MDGA1: variants seen among roughly 807,000 people sequenced by gnomAD.
The protein encoded by MDGA1 is MAM domain containing glycosylphosphatidylinositol anchor 1, also known as MAM domain-containing glycosylphosphatidylinositol anchor protein 1.
In MDGA1, 54 loss-of-function variants were observed where a neutral mutation model predicts 101.5. The observed-to-expected ratio is 0.53, with a 90% CI of 0.43 to 0.67. The LOEUF is 0.67. Among genes scored for constraint, MDGA1 ranks in the 30% least tolerant of loss-of-function variants. MDGA1 has a pLI of 0.00. For missense variants in MDGA1, 1,083 were observed against 1,323.8 expected (o/e 0.82, Z 2.82); for synonymous variants, 533 against 558.3 (o/e 0.95, Z 0.64).
At chr6:37,688,989 G>A (rs1055803814) in intron 1 of MDGA1, among the ~76,000 whole-genome samples, 6 of 152,070 alleles carry the variant, frequency 3.9e-5, no homozygotes, top group Admixed American at 2.0e-4. Context: ...CCCCAGCCCC[G>A]CTGAATCAAG....
At chr6:37,649,896 GA>G in intron 8 of MDGA1, 1 of 727,276 alleles carries the variant, frequency 1.4e-6, no homozygotes, top group Non-Finnish European at 2.4e-6. Context: ...CCGGGTCCCT[GA>G]AAATGAAGAT....
In MDGA1 at chr6:37,683,467, A is replaced by G. The variant is rs541708759; in HGVS notation, c.67+13278T>C. Among the ~76,000 whole-genome samples the G allele has an allele frequency of 1.3e-4, 20 of 152,306 alleles. 1 individual carries two copies. In the South Asian group the frequency reaches 3.1e-3, roughly 24 times the overall value. On this transcript the variant is annotated intron_variant, in intron 1 of 16. Transcript: ENST00000434837. ...CTGCCCCACCTGCACCCCCTCTCCT[A>G]AACACTTCAGTGCACCACCAGCCAG...
chr6:37,663,766 T>A (rs1187598219), intron 2 of MDGA1, among the ~76,000 whole-genome samples: 1 of 152,212 alleles, frequency 6.6e-6, no homozygotes, highest in Non-Finnish European at 1.5e-5. Context: ...CGTCCATGTT[T>A]TCAGGTGAAT....
chr6:37,695,957 GT>G (rs1049482226), intron 1 of MDGA1, among the ~76,000 whole-genome samples: 3 of 152,216 alleles, frequency 2.0e-5, no homozygotes, highest in African/African-American at 7.2e-5. Context: ...GGGGGAAGGG[GT>G]AACCAGAGTC....
intron 7 of MDGA1, among the ~76,000 whole-genome samples, chr6:37,650,936 C>T (rs1356429052): frequency 6.6e-6 from 1 of 152,328 alleles, no homozygotes; most frequent in South Asian, 2.1e-4. Context: ...ACTAAATTCT[C>T]GCCAATGGGA....
Position 37,658,317 on chromosome 6 carries a change from C to T in MDGA1, c.310G>A (p.Gly104Ser). The T allele has an allele frequency of 1.2e-6, 2 of 1,612,680 alleles. No individual in the cohort carries two copies. Among genetic ancestry groups the T allele is most frequent in the East Asian group, 2.2e-5 (1 of 44,856 alleles). Residue 104 changes from glycine (G) to serine (S), a missense_variant, in exon 3 of 17, where the codon GGC becomes AGC. Gly to Ser is a moderately conservative substitution (Grantham distance 56). Transcript: ENST00000434837. ...TTCTCAGCCTTGCAGTAGTAGCGGCCGCCCTGCGTGCGTGCAATACGCTCG... is the reference window on the plus strand; with the variant it reads ...TTCTCAGCCTTGCAGTAGTAGCGGCTGCCCTGCGTGCGTGCAATACGCTCG... ...RIERIARTQG[G>S]RYYCKAENGV...
intron 1 of MDGA1, among the ~76,000 whole-genome samples, chr6:37,691,595 A>C (rs1762309946): frequency 6.6e-6 from 1 of 152,230 alleles, no homozygotes; most frequent in Non-Finnish European, 1.5e-5. Flanking sequence ...TGTTTTGCAA[A>C]GAGCACATGT....
intron 1 of MDGA1, among the ~76,000 whole-genome samples, chr6:37,681,991 C>T (rs1170925370): frequency 6.6e-6 from 1 of 152,168 alleles, no homozygotes; most frequent in Non-Finnish European, 1.5e-5. Context: ...AGGTGCATGG[C>T]TTGATCAAAA....
chr6:37,653,414 AGAT>A (rs778317485), intron 6 of MDGA1, among the ~76,000 whole-genome samples: 14 of 152,144 alleles, frequency 9.2e-5, no homozygotes, highest in Non-Finnish European at 1.6e-4. Context: ...GGTCAGTGAG[AGAT>A]GAAGAGAGTC....
At chr6:37,680,266 C>T (rs896765570) in intron 1 of MDGA1, among the ~76,000 whole-genome samples, 5 of 152,220 alleles carry the variant, frequency 3.3e-5, no homozygotes, top group Non-Finnish European at 7.3e-5. Context: ...GAGGCCTGTG[C>T]CCTGATGGGG....
chr6:37,654,346 C>G lies in MDGA1; in HGVS notation c.910G>C (p.Gly304Arg). ...TTGGTGGCTGTGCAGTTGTAGTAGC[C>G]AGAGTCCCGGGCCTGCACTGAAGGG... is the stretch of plus-strand genomic sequence containing the variant. ...SIPSVQARDS[G>R]YYNCTATNNV... The change falls in exon 6 of 17, where the codon GGC (glycine) becomes CGC (arginine). Residue 304 changes from glycine to arginine, a missense_variant. Physicochemically the swap from Gly to Arg is moderately radical, Grantham distance 125. Around this residue, in one of 3 missense-constraint regions of MDGA1, gnomAD observed 116 missense variants for 196.6 expected, o/e 0.59. Transcript: ENST00000434837. The G allele has an allele frequency of 6.2e-7, 1 of 1,608,768 alleles. No individual in the cohort carries two copies. Among genetic ancestry groups the G allele is most frequent in the Non-Finnish European group, 8.5e-7 (1 of 1,177,144 alleles).
rs1402373646 is a variant in MDGA1 at position 37,696,827 on chromosome 6, T to G, written c.-16A>C. 2 of 1,561,330 alleles carry G rather than the reference T, an allele frequency of 1.3e-6. No homozygotes were observed. Among genetic ancestry groups the G allele is most frequent in the Non-Finnish European group, 1.7e-6 (2 of 1,152,426 alleles). ...TCACCTCCATCTTCACGGCCGGTGCTTCATCCCCGCGAGGCGGCGCAGCCC... is the reference window on the plus strand; with the variant it reads ...TCACCTCCATCTTCACGGCCGGTGCGTCATCCCCGCGAGGCGGCGCAGCCC... On this transcript the variant is annotated 5_prime_UTR_variant, in exon 1 of 17. Transcript: ENST00000434837. The surrounding 1 kb of genome is among the most constrained non-coding windows in gnomAD (Gnocchi z 5.6).
intron 3 of MDGA1, among the ~76,000 whole-genome samples, chr6:37,656,554 G>A (rs1358602246): frequency 2.0e-5 from 3 of 151,768 alleles, no homozygotes; most frequent in Non-Finnish European, 4.4e-5. Context: ...TGTATTTTTT[G>A]TACAGACAGG....
chr6:37,683,513 C>A (rs115040641), intron 1 of MDGA1, among the ~76,000 whole-genome samples: 6 of 149,790 alleles, frequency 4.0e-5, no homozygotes, highest in Admixed American at 6.6e-5. Flanking sequence ...CCAATGCCTG[C>A]GGGCACCTCT....
At position 37,635,768 on chromosome 6, in the gene MDGA1, T is replaced by A; in HGVS notation, c.*1600A>T. On this transcript the variant is annotated 3_prime_UTR_variant, in exon 17 of 17. Coordinates refer to ENST00000434837, the MANE Select transcript of MDGA1 (RefSeq NM_153487.4). ...TCATCTGTAAGCTCTCCGTCATCCA[T>A]AGGGGATGAAAGGTGGAATTTCAGG... 2.5e-6 allele frequency: 1 copy of A among 398,596 alleles called. No homozygotes were observed. The highest frequency in any genetic ancestry group is 4.4e-6 in the Non-Finnish European group (1 of 226,096). The allele number at this position is 398,596 out of a possible 1,614,324, so 24.7% of individuals were successfully genotyped here.
In MDGA1 at chr6:37,664,049, T is replaced by C. The variant is rs2114052383; in HGVS notation, c.125A>G (p.Asn42Ser). 1 of 1,613,746 alleles carries C rather than the reference T, an allele frequency of 6.2e-7. No homozygotes were observed. The highest frequency in any genetic ancestry group is 2.2e-5 in the East Asian group (1 of 44,830). Reference protein sequence around the residue: ...AGQACVVKEDNISERVYTIRE... With the variant: ...AGQACVVKEDSISERVYTIRE... ...GATGGTGTAGACACGCTCGCTGATA[T>C]TGTCCTCTTTCACCACACATGCCTG... Residue 42 changes from asparagine to serine, a missense_variant, in exon 2 of 17, where the codon AAT becomes AGT. By Grantham distance (46) the Asn-to-Ser change is conservative (BLOSUM62 1). Around this residue, in one of 3 missense-constraint regions of MDGA1, gnomAD observed 310 missense variants for 355.9 expected, o/e 0.87. Transcript: ENST00000434837.
chr6:37,645,022 C>T (rs1220234053), intron 12 of MDGA1, among the ~76,000 whole-genome samples: 2 of 152,112 alleles, frequency 1.3e-5, no homozygotes, highest in African/African-American at 4.8e-5. Context: ...CTAATTAAAT[C>T]ACAAGATCTA....
At chr6:37,670,292 T>C (rs11967433) in intron 1 of MDGA1, among the ~76,000 whole-genome samples, 6,958 of 152,268 alleles carry the variant, frequency 0.046, 481 homozygotes, top group African/African-American at 0.15. Flanking sequence ...CCACCTGCTA[T>C]GCACCCGTAC....
In MDGA1 at chr6:37,697,125, C is replaced by G. The variant is rs1051590281; in HGVS notation, c.-314G>C. The G allele has an allele frequency of 1.5e-5, 4 of 259,674 alleles. No individual in the cohort carries two copies. The highest frequency in any genetic ancestry group is 1.7e-4 in the South Asian group (1 of 5,862). 16.1% of individuals were successfully genotyped at this position (259,674 alleles called of 1,614,324 possible). ...CCGAGCCGCCCCGGGTACCCAGGGC[C>G]GTCCGCGCGGGATGCTAGGCGCCGG... On this transcript the variant is annotated 5_prime_UTR_variant, in exon 1 of 17. Coordinates refer to ENST00000434837, the MANE Select transcript of MDGA1 (RefSeq NM_153487.4).
Sources: allele counts gnomAD v4.1 joint callset (sites outside exome capture counted in the v4.1 genomes callset), GRCh38; gene constraint gnomAD v4.1.1; regional missense constraint gnomAD v4.1.1; non-coding constraint Gnocchi (gnomAD v3.1); transcripts MANE v1.5; gene names NCBI Gene and HGNC (gene_info 2026-07-23, HGNC 2026-07-21).